MTUS1: variants seen among roughly 807,000 people sequenced by gnomAD.
MTUS1 encodes the protein microtubule associated scaffold protein 1.
Under a neutral mutation model 120.8 loss-of-function variants are expected in MTUS1, and 109 were observed. That is an observed-to-expected ratio of 0.90 (90% CI 0.77 to 1.06). The LOEUF is 1.06. Among genes scored for constraint, MTUS1 ranks in the 50% least tolerant of loss-of-function variants. The pLI is 0.00. For missense variants in MTUS1, 2,210 were observed against 1,486.3 expected (o/e 1.49, Z -8.01); for synonymous variants, 737 against 550.5 (o/e 1.34, Z -4.74).
chr8:17,657,935 GTA>G (rs1188508382), intron 8 of MTUS1, among the ~76,000 whole-genome samples: 2 of 149,942 alleles, frequency 1.3e-5, no homozygotes, highest in Non-Finnish European at 3.0e-5. Flanking sequence ...GTGTACATGT[GTA>G]TATATGTACA....
chr8:17,724,711 T>C (rs983475453), intron 3 of MTUS1, among the ~76,000 whole-genome samples: 8 of 152,220 alleles, frequency 5.3e-5, no homozygotes, highest in Non-Finnish European at 1.2e-4. Flanking sequence ...CCAAGCCCAG[T>C]CTTTCGCTCT....
intron 7 of MTUS1, among the ~76,000 whole-genome samples, chr8:17,680,260 T>G (rs988240260): frequency 6.6e-6 from 1 of 151,842 alleles, no homozygotes; most frequent in African/African-American, 2.4e-5. Flanking sequence ...GGTGAGGACT[T>G]TAAGACCAGC....
intron 1 of MTUS1, among the ~76,000 whole-genome samples, chr8:17,787,353 C>A (rs1194664723): frequency 6.6e-6 from 1 of 152,216 alleles, no homozygotes; most frequent in Non-Finnish European, 1.5e-5. Flanking sequence ...CATCCCTCCT[C>A]CTCTGAGATG....
At chr8:17,791,029 A>G (rs1361789350) in intron 1 of MTUS1, among the ~76,000 whole-genome samples, 1 of 152,192 alleles carries the variant, frequency 6.6e-6, no homozygotes, top group Non-Finnish European at 1.5e-5. Flanking sequence ...AATGTATAGA[A>G]AATCCTGGCA....
intron 4 of MTUS1, among the ~76,000 whole-genome samples, chr8:17,720,161 A>G (rs2045718653): frequency 6.6e-6 from 1 of 152,170 alleles, no homozygotes; most frequent in Non-Finnish European, 1.5e-5. Flanking sequence ...CCTGGCCAAC[A>G]TGGTGAAACC....
At chr8:17,723,942 A>G in intron 3 of MTUS1, 109 bp from the exon 4 acceptor site, 1 of 811,460 alleles carries the variant, frequency 1.2e-6, no homozygotes, top group Non-Finnish European at 2.0e-6. Context: ...GTCAAAACAC[A>G]AAATGAATGT....
At chr8:17,675,686 TAA>T (rs1348353725) in intron 7 of MTUS1, among the ~76,000 whole-genome samples, 2 of 152,156 alleles carry the variant, frequency 1.3e-5, no homozygotes, top group African/African-American at 4.8e-5. Flanking sequence ...TATTTGCACA[TAA>T]AAAAGTTTCG....
chr8:17,767,323 C>T (rs905646218), intron 1 of MTUS1, among the ~76,000 whole-genome samples: 6 of 151,202 alleles, frequency 4.0e-5, no homozygotes, highest in African/African-American at 1.5e-4. Context: ...GAATTTGGGG[C>T]CAATTTTGAT....
chr8:17,786,392 A>G (rs892742471), intron 1 of MTUS1, among the ~76,000 whole-genome samples: 2 of 152,074 alleles, frequency 1.3e-5, no homozygotes, highest in African/African-American at 4.8e-5. Flanking sequence ...ATCTCAGATA[A>G]AAGCTCTTCA....
chr8:17,684,251 G>T, intron 7 of MTUS1, 77 bp downstream of exon 7: 2 of 1,021,950 alleles, frequency 2.0e-6, no homozygotes, highest in Non-Finnish European at 3.1e-6. Context: ...TATTCCCAAG[G>T]CCAGCGTGTG....
At chr8:17,649,029 G>C (rs977966514) in intron 13 of MTUS1, among the ~76,000 whole-genome samples, 4 of 152,220 alleles carry the variant, frequency 2.6e-5, no homozygotes, top group Non-Finnish European at 4.4e-5. Flanking sequence ...ACTGCAAAGT[G>C]AATGTTAATT....
intron 3 of MTUS1, among the ~76,000 whole-genome samples, chr8:17,731,016 T>C (rs2046539090): frequency 1.3e-5 from 2 of 152,120 alleles, no homozygotes; most frequent in South Asian, 2.1e-4. Flanking sequence ...AACAAGGAAC[T>C]TGTGCAACTA....
chr8:17,690,705 C>A (rs146345657), intron 6 of MTUS1, among the ~76,000 whole-genome samples: 102 of 152,220 alleles, frequency 6.7e-4, no homozygotes, highest in African/African-American at 2.4e-3. Context: ...AAGAAACGTG[C>A]CTAGGACTCA....
intron 1 of MTUS1, among the ~76,000 whole-genome samples, chr8:17,791,148 G>A (rs1013690291): frequency 3.7e-4 from 56 of 152,194 alleles, no homozygotes; most frequent in Middle Eastern, 6.8e-3. Flanking sequence ...TAACTTACTC[G>A]CCATAAGACA....
At chr8:17,660,444 A>C (rs1419625748) in intron 8 of MTUS1, among the ~76,000 whole-genome samples, 1 of 152,186 alleles carries the variant, frequency 6.6e-6, no homozygotes, top group East Asian at 1.9e-4. Flanking sequence ...ATCCACGGAC[A>C]CTTGGGTTGC....
chr8:17,774,529 G>A (rs1231626079), intron 1 of MTUS1, among the ~76,000 whole-genome samples: 2 of 152,176 alleles, frequency 1.3e-5, no homozygotes, highest in Admixed American at 6.5e-5. Flanking sequence ...AGTCTTTAGC[G>A]AGATGCAAAT....
chr8:17,701,844 C>A (rs2937898), intron 6 of MTUS1, among the ~76,000 whole-genome samples: 1 of 152,162 alleles, frequency 6.6e-6, no homozygotes, highest in East Asian at 1.9e-4. Flanking sequence ...CCACCGCACC[C>A]GGCCAGAATT....
intron 1 of MTUS1, among the ~76,000 whole-genome samples, chr8:17,760,806 G>GA (rs201911502): frequency 2.7e-3 from 375 of 136,918 alleles, no homozygotes; most frequent in African/African-American, 5.5e-3. Flanking sequence ...GTGCTGGAGG[G>GA]AAAAAAAAAA....
chr8:17,656,610 C>G (rs1808305493), intron 8 of MTUS1, among the ~76,000 whole-genome samples: 1 of 146,394 alleles, frequency 6.8e-6, no homozygotes, highest in Non-Finnish European at 1.5e-5. Context: ...TCAGAAGACC[C>G]AGGTTTCTAA....
Sources: allele counts gnomAD v4.1 joint callset (sites outside exome capture counted in the v4.1 genomes callset), GRCh38; gene constraint gnomAD v4.1.1; transcripts MANE v1.5; gene names NCBI Gene and HGNC (gene_info 2026-07-23, HGNC 2026-07-21).